KYNU: variants seen among roughly 807,000 people sequenced by gnomAD.
The protein encoded by KYNU is L-kynurenine hydrolase.
Under a neutral mutation model 59.2 loss-of-function variants are expected in KYNU, and 54 were observed. That is an observed-to-expected ratio of 0.91 (90% confidence interval 0.73 to 1.14). The LOEUF is 1.14. KYNU is among the 50% of genes most tolerant of loss of function. KYNU has a pLI of 0.00. For synonymous variants in KYNU, 177 were observed against 192.0 expected, an observed-to-expected ratio of 0.92 and a Z score of 0.65; for missense variants, 567 against 554.4, an observed-to-expected ratio of 1.02 and a Z score of -0.23.
chr2:142,960,621 T>G lies in KYNU; in HGVS notation c.583-3T>G. ...GACCTAACTTGTGCCTAACTTGATT[T>G]AGGGGGAAGAAACCTTAAGAATAGA... On this transcript the variant is annotated splice_region_variant and splice_polypyrimidine_tract_variant and intron_variant, in intron 7 of 13. Coordinates refer to ENST00000264170, the MANE Select transcript of KYNU (RefSeq NM_003937.3). 6.2e-7 allele frequency: 1 copy of G among 1,613,038 alleles called. No individual in the cohort carries two copies. The highest frequency in any genetic ancestry group is 8.5e-7 in the Non-Finnish European group (1 of 1,179,222).
At chr2:142,902,716 T>A (rs1014793932) in intron 2 of KYNU, among the ~76,000 whole-genome samples, 1 of 152,224 alleles carries the variant, frequency 6.6e-6, no homozygotes, top group African/African-American at 2.4e-5. Context: ...GGTGGCTTGA[T>A]GGCACAAGGT....
At chr2:143,027,883 C>A (rs1686622913) in intron 10 of KYNU, among the ~76,000 whole-genome samples, 1 of 151,992 alleles carries the variant, frequency 6.6e-6, no homozygotes, top group African/African-American at 2.4e-5. Context: ...ACTGATGTTT[C>A]TTTACTAGAA....
At position 143,048,018 on chromosome 2, in the gene KYNU, T is replaced by A. The variant is rs1326049580; in HGVS notation, c.*5846T>A. 6.6e-6 allele frequency: 1 copy of A among 152,144 alleles called. No homozygotes were observed. The highest frequency in any genetic ancestry group is 2.4e-5 in the African/African-American group (1 of 41,422). The allele number at this position is 152,144 out of a possible 1,614,324, so 9.4% of individuals were successfully genotyped here. A position where few individuals can be genotyped will look rare whatever the true frequency, so the allele number is the denominator to read the frequency against. On this transcript the variant is annotated 3_prime_UTR_variant, in exon 14 of 14. Transcript: ENST00000264170. ...GGCCACTATGCCCAGCTAATTTTTG[T>A]ATTTTTCATAGAGACAGGATTTCAC...
intron 10 of KYNU, chr2:142,988,996 T>C: frequency 3.1e-6 from 3 of 957,038 alleles, no homozygotes; most frequent in South Asian, 2.8e-5. Flanking sequence ...TTTTACTTTT[T>C]TATTCACCTG....
At chr2:142,995,463 T>G (rs1685513342) in intron 10 of KYNU, among the ~76,000 whole-genome samples, 1 of 152,124 alleles carries the variant, frequency 6.6e-6, no homozygotes, top group Non-Finnish European at 1.5e-5. Flanking sequence ...TGATACATCC[T>G]AAAACTACTT....
At chr2:142,987,303 G>A (rs182685374) in intron 10 of KYNU, among the ~76,000 whole-genome samples, 3 of 151,848 alleles carry the variant, frequency 2.0e-5, no homozygotes, top group South Asian at 2.1e-4. Context: ...GCCAGTGCCC[G>A]GATAGAAGGA....
In KYNU at chr2:143,052,438, G is replaced by C. The variant is rs1211789769; in HGVS notation, c.*10266G>C. On this transcript the variant is annotated 3_prime_UTR_variant, in exon 14 of 14. Coordinates refer to ENST00000264170, the MANE Select transcript of KYNU (RefSeq NM_003937.3). ...TCTCCAGGGCATGTCAGAGACCTTT[G>C]TGGCAGCCCCTCCCATCACAGACCA... 1 of 152,220 alleles carries C rather than the reference G, an allele frequency of 6.6e-6. No homozygotes were observed. The highest frequency in any genetic ancestry group is 6.5e-5 in the Admixed American group (1 of 15,280). The allele number at this position is 152,220 out of a possible 1,614,324, so 9.4% of individuals were successfully genotyped here.
Position 142,980,093 on chromosome 2 carries a change from C to T in KYNU, c.730-4991C>T, listed in dbSNP as rs1685008163. Among the ~76,000 whole-genome samples, 2 of 152,076 alleles carry T rather than the reference C, an allele frequency of 1.3e-5. 1 individual carries two copies. The highest frequency in any genetic ancestry group is 4.1e-4 in the South Asian group (2 of 4,826). ...TGGGCAATTCCCAGAACCGAGGGTTCCTCCCCTTTTTAGACCATATAGGGT... is the reference window on the plus strand; with the variant it reads ...TGGGCAATTCCCAGAACCGAGGGTTTCTCCCCTTTTTAGACCATATAGGGT... On this transcript the variant is annotated intron_variant, in intron 8 of 13. Transcript: ENST00000264170.
chr2:142,930,852 G>T (rs1426695004), intron 4 of KYNU, among the ~76,000 whole-genome samples: 1 of 152,146 alleles, frequency 6.6e-6, no homozygotes, highest in Non-Finnish European at 1.5e-5. Context: ...TTTCTGTATC[G>T]GTTTGAACCC....
chr2:142,991,863 A>C (rs1264852500), intron 10 of KYNU, among the ~76,000 whole-genome samples: 1 of 151,834 alleles, frequency 6.6e-6, no homozygotes, highest in Non-Finnish European at 1.5e-5. Flanking sequence ...TTTTCATCTG[A>C]TTGCAAATTG....
At chr2:142,894,511 C>T (rs917885887) in intron 2 of KYNU, among the ~76,000 whole-genome samples, 2 of 152,124 alleles carry the variant, frequency 1.3e-5, no homozygotes, top group African/African-American at 4.8e-5. Flanking sequence ...ATGAGCACCT[C>T]TGTGTAACAA....
At chr2:142,906,773 C>A (rs768736561) in intron 2 of KYNU, among the ~76,000 whole-genome samples, 1 of 152,082 alleles carries the variant, frequency 6.6e-6, no homozygotes, top group African/African-American at 2.4e-5. Context: ...CACACATGGG[C>A]GACTGTTGAG....
intron 10 of KYNU, among the ~76,000 whole-genome samples, chr2:143,005,973 T>C (rs557217292): frequency 6.6e-6 from 1 of 152,010 alleles, no homozygotes; most frequent in African/African-American, 2.4e-5. Flanking sequence ...GTAAGTAGAG[T>C]CTAGAATACT....
Position 142,968,344 on chromosome 2 carries a change from G to A in KYNU, c.729+7574G>A, listed in dbSNP as rs116311952. Among the ~76,000 whole-genome samples the A allele has an allele frequency of 6.0e-3, 921 of 152,290 alleles. 4 individuals are homozygous for A. Among genetic ancestry groups the A allele is most frequent in the Middle Eastern group, 0.014 (4 of 294 alleles). Reference sequence around the variant, plus strand: ...GAAAGTTAAAAATATTGGTAGGATTGCAGGGAAGCAAGTATTTCAGTGTAA... The same window carrying A: ...GAAAGTTAAAAATATTGGTAGGATTACAGGGAAGCAAGTATTTCAGTGTAA... On this transcript the variant is annotated intron_variant, in intron 8 of 13. Transcript: ENST00000264170.
At chr2:143,038,292 C>A (rs1686943156) in intron 12 of KYNU, among the ~76,000 whole-genome samples, 1 of 152,014 alleles carries the variant, frequency 6.6e-6, no homozygotes, top group Non-Finnish European at 1.5e-5. Flanking sequence ...GGAAAGATTC[C>A]TCACATAGTC....
At chr2:142,992,802 A>G (rs1399435472) in intron 10 of KYNU, among the ~76,000 whole-genome samples, 3 of 152,092 alleles carry the variant, frequency 2.0e-5, no homozygotes, top group African/African-American at 7.2e-5. Context: ...TTTTTGTGCA[A>G]AAAGCTTTCA....
At position 143,042,514 on chromosome 2, in the gene KYNU, T is replaced by C. The variant is rs1687084266; in HGVS notation, c.*342T>C. The C allele has an allele frequency of 2.1e-5, 4 of 188,456 alleles. No individual in the cohort carries two copies. In the South Asian group the frequency reaches 4.2e-4, roughly 20 times the overall value. 11.7% of individuals were successfully genotyped at this position (188,456 alleles called of 1,614,324 possible). A position where few individuals can be genotyped will look rare whatever the true frequency, so the allele number is the denominator to read the frequency against. On this transcript the variant is annotated 3_prime_UTR_variant, in exon 14 of 14. Transcript: ENST00000264170. ...CAACTTCATAATGTATGTGCAATTA[T>C]TGTGTCAAATTTAGAAATATTACTT... is the stretch of plus-strand genomic sequence containing the variant.
rs140758594 is a variant in KYNU, at chr2:142,986,010, G to A, written c.891G>A (p.Thr297=). Residue 297 remains threonine (T), a synonymous_variant, in exon 10 of 14, where the codon ACG becomes ACA. Coordinates refer to ENST00000264170, the MANE Select transcript of KYNU (RefSeq NM_003937.3). ...GAFIHEKHAH[T]IKPALVGWFG... Reference sequence around the variant, plus strand: ...TCATTCATGAAAAGCATGCCCATACGATTAAACCTGCGTGAGTACCATCTT... The same window carrying A: ...TCATTCATGAAAAGCATGCCCATACAATTAAACCTGCGTGAGTACCATCTT... The A allele has an allele frequency of 1.2e-5, 20 of 1,608,636 alleles. No homozygotes were observed. The African/African-American group carries it at 1.5e-4, about 12-fold the overall frequency.
intron 4 of KYNU, among the ~76,000 whole-genome samples, chr2:142,935,107 T>C (rs1302683457): frequency 6.6e-6 from 1 of 152,222 alleles, no homozygotes; most frequent in Non-Finnish European, 1.5e-5. Flanking sequence ...ATGTGGGGTT[T>C]GAGGGCCGTC....
Sources: allele counts gnomAD v4.1 joint callset (sites outside exome capture counted in the v4.1 genomes callset), GRCh38; gene constraint gnomAD v4.1.1; transcripts MANE v1.5; gene names NCBI Gene and HGNC (gene_info 2026-07-23, HGNC 2026-07-21).